Variants in ERBIN observed in about 807,000 individuals in gnomAD.
ERBIN encodes densin-180-like protein.
A neutral mutation model predicts 158.4 loss-of-function variants in ERBIN; 60 were observed. The observed-to-expected ratio is 0.38, with a 90% confidence interval of 0.31 to 0.47. ERBIN has a LOEUF of 0.47. ERBIN is among the 20% of genes least tolerant of loss of function. The pLI, the probability that ERBIN is intolerant of heterozygous loss-of-function variation, is 0.99. For synonymous variants in ERBIN, 594 were observed against 557.2 expected, an observed-to-expected ratio of 1.07 and a Z score of -0.93; for missense variants, 1,610 against 1,648.0, an observed-to-expected ratio of 0.98 and a Z score of 0.40.
chr5:65,956,344 T>C (rs967806812), intron 1 of ERBIN, among the ~76,000 whole-genome samples: 1 of 151,884 alleles, frequency 6.6e-6, no homozygotes, highest in African/African-American at 2.4e-5. Context: ...CTGGGATGAT[T>C]AATAATCATA....
intron 14 of ERBIN, among the ~76,000 whole-genome samples, chr5:66,032,659 CA>C (rs1757005339): frequency 6.6e-6 from 1 of 152,040 alleles, no homozygotes; most frequent in African/African-American, 2.4e-5. Flanking sequence ...ATGGATTCAT[CA>C]GGGGTTAGTG....
intron 4 of ERBIN, among the ~76,000 whole-genome samples, chr5:66,007,347 C>T (rs1346851282): frequency 6.6e-6 from 1 of 151,840 alleles, no homozygotes; most frequent in African/African-American, 2.4e-5. Flanking sequence ...AATGAGAACA[C>T]TTGGGCACAG....
At chr5:66,046,946 C>CT (rs200195875) in intron 18 of ERBIN, among the ~76,000 whole-genome samples, 8,730 of 152,056 alleles carry the variant, frequency 0.057, 870 homozygotes, top group African/African-American at 0.2. Context: ...AAAGCTGGAA[C>CT]TTTTTTTAAA....
chr5:65,957,007 C>T (rs369067297), intron 1 of ERBIN, among the ~76,000 whole-genome samples: 5 of 152,174 alleles, frequency 3.3e-5, no homozygotes, highest in African/African-American at 1.2e-4. Flanking sequence ...TTACAAGCAG[C>T]TTAGAATGTA....
chr5:65,957,169 C>G (rs1747239557), intron 1 of ERBIN, among the ~76,000 whole-genome samples: 2 of 150,986 alleles, frequency 1.3e-5, no homozygotes, highest in Admixed American at 6.6e-5. Context: ...ACAGATCGTC[C>G]CCAATTTAGG....
At chr5:65,927,274 T>C (rs1742773020) in intron 1 of ERBIN, among the ~76,000 whole-genome samples, 1 of 152,188 alleles carries the variant, frequency 6.6e-6, no homozygotes, top group Admixed American at 6.5e-5. Flanking sequence ...CTTGCGTTAA[T>C]TGTATATAGA....
At chr5:66,023,879 G>T (rs145934191) in intron 9 of ERBIN, among the ~76,000 whole-genome samples, 1 of 151,696 alleles carries the variant, frequency 6.6e-6, no homozygotes, top group African/African-American at 2.4e-5. Context: ...GGATTTCACC[G>T]TGTTAGCCAG....
chr5:65,977,490 G>A lies in ERBIN; in HGVS notation c.-57-11145G>A, dbSNP rs772962434. On this transcript the variant is annotated intron_variant, in intron 1 of 25. Coordinates refer to ENST00000284037, the MANE Select transcript of ERBIN (RefSeq NM_001253697.2). The stretch of plus-strand genomic sequence containing the variant: ...TCCTCACTTCTCAGACGGGGCGGCC[G>A]GGCAGAGACGCTCCTCACATCCCGG... 4.8e-3 allele frequency among the ~76,000 whole-genome samples: 726 copies of A among 151,064 alleles called. 3 individuals are homozygous for A. Among genetic ancestry groups the A allele is most frequent in the Middle Eastern group, 0.01 (3 of 286 alleles).
chr5:65,963,324 C>G (rs1334884914), intron 1 of ERBIN, among the ~76,000 whole-genome samples: 1 of 152,130 alleles, frequency 6.6e-6, no homozygotes, highest in Non-Finnish European at 1.5e-5. Flanking sequence ...TACAACCAAA[C>G]AAATGGAATT....
intron 4 of ERBIN, among the ~76,000 whole-genome samples, chr5:65,996,276 G>T (rs1256994738): frequency 3.0e-5 from 4 of 131,714 alleles, no homozygotes; most frequent in African/African-American, 5.9e-5. Flanking sequence ...AACAGTTTTG[G>T]GTGTTATAGT....
intron 4 of ERBIN, among the ~76,000 whole-genome samples, chr5:66,003,268 A>G (rs1193593858): frequency 6.6e-6 from 1 of 152,090 alleles, no homozygotes; most frequent in Non-Finnish European, 1.5e-5. Context: ...ACCACCAGGG[A>G]CTCACCTGCA....
chr5:65,929,797 T>C (rs1321092383), intron 1 of ERBIN, among the ~76,000 whole-genome samples: 1 of 152,068 alleles, frequency 6.6e-6, no homozygotes, highest in African/African-American at 2.4e-5. Flanking sequence ...CACATCATCA[T>C]GCCTAGCTAA....
At chr5:65,978,908 A>G (rs1750333651) in intron 1 of ERBIN, among the ~76,000 whole-genome samples, 1 of 152,230 alleles carries the variant, frequency 6.6e-6, no homozygotes, top group South Asian at 2.1e-4. Context: ...GAACCAAAAA[A>G]GTATTTGGAA....
intron 1 of ERBIN, among the ~76,000 whole-genome samples, chr5:65,982,380 T>C (rs1750753635): frequency 6.6e-6 from 1 of 152,214 alleles, no homozygotes; most frequent in South Asian, 2.1e-4. Context: ...AATGTCTTTA[T>C]ACAAACACCT....
chr5:66,018,572 T>TAATATAA lies in ERBIN; in HGVS notation c.534-2750_534-2749insAATATAA, dbSNP rs1491103989. Among the ~76,000 whole-genome samples the TAATATAA allele has an allele frequency of 6.7e-5, 2 of 29,868 alleles. 1 individual carries two copies. Among genetic ancestry groups the TAATATAA allele is most frequent in the African/African-American group, 5.1e-4 (2 of 3,884 alleles). 19.6% of individuals were successfully genotyped at this position (29,868 alleles called of 152,430 possible). ...TATATATTATATAATATATATTATA[T>TAATATAA]TATATAATATATATTATATAATATA... On this transcript the variant is annotated intron_variant, in intron 7 of 25. Transcript: ENST00000284037.
At chr5:65,969,372 C>T (rs73762630) in intron 1 of ERBIN, among the ~76,000 whole-genome samples, 6,114 of 152,236 alleles carry the variant, frequency 0.04, 415 homozygotes, top group African/African-American at 0.14. Context: ...TTGGGAAAGG[C>T]AGTACAAGTA....
chr5:65,959,988 C>T (rs576221643), intron 1 of ERBIN, among the ~76,000 whole-genome samples: 28 of 152,338 alleles, frequency 1.8e-4, no homozygotes, highest in Admixed American at 5.2e-4. Flanking sequence ...ATCAGTTCCA[C>T]TCCTAGGTAT....
At chr5:66,070,960 CA>C (rs1351929315) in intron 21 of ERBIN, among the ~76,000 whole-genome samples, 1 of 152,126 alleles carries the variant, frequency 6.6e-6, no homozygotes, top group Admixed American at 6.5e-5. Flanking sequence ...CTATTTATCA[CA>C]ATCTGTTTTG....
intron 1 of ERBIN, among the ~76,000 whole-genome samples, chr5:65,943,345 G>A (rs1380361129): frequency 6.6e-6 from 1 of 152,202 alleles, no homozygotes; most frequent in Non-Finnish European, 1.5e-5. Flanking sequence ...TGGGAATAAT[G>A]TATTACTGAT....
Sources: gnomAD v4.1 joint callset for allele counts (sites outside exome capture counted in the v4.1 genomes callset) on GRCh38, gnomAD v4.1.1 for gene constraint, MANE v1.5 for transcripts, NCBI Gene and HGNC (gene_info 2026-07-23, HGNC 2026-07-21) for gene names.